PDE4D: variants seen among roughly 807,000 people sequenced by gnomAD.
PDE4D encodes 3',5'-cyclic-AMP phosphodiesterase 4D.
A neutral mutation model predicts 87.4 loss-of-function variants in PDE4D; 24 were observed. That is an observed-to-expected ratio of 0.27 (90% confidence interval 0.20 to 0.39). The LOEUF is 0.39. Among genes scored for constraint, PDE4D ranks in the 10% least tolerant of loss-of-function variants. PDE4D has a pLI of 1.00. For synonymous variants in PDE4D, 384 were observed against 383.2 expected, an observed-to-expected ratio of 1.00 and a Z score of -0.02; for missense variants, 714 against 1,041.0, an observed-to-expected ratio of 0.69 and a Z score of 4.32.
intron 1 of PDE4D, among the ~76,000 whole-genome samples, chr5:60,215,153 A>G (rs1196783322): frequency 1.3e-5 from 2 of 152,164 alleles, no homozygotes; most frequent in Non-Finnish European, 2.9e-5. Flanking sequence ...TTGGCGACCA[A>G]ATCTGGAACT....
intron 1 of PDE4D, among the ~76,000 whole-genome samples, chr5:59,241,997 C>T (rs1442876149): frequency 1.3e-5 from 2 of 152,038 alleles, no homozygotes; most frequent in African/African-American, 2.4e-5. Context: ...ATATTCATTT[C>T]TGTATTTCCA....
chr5:60,060,277 T>C (rs979810609), intron 2 of PDE4D, among the ~76,000 whole-genome samples: 1 of 152,104 alleles, frequency 6.6e-6, no homozygotes, highest in African/African-American at 2.4e-5. Flanking sequence ...AATTTTTAAG[T>C]TAATTCAGTT....
At chr5:59,626,119 C>A (rs571920127) in intron 1 of PDE4D, among the ~76,000 whole-genome samples, 12 of 152,196 alleles carry the variant, frequency 7.9e-5, no homozygotes, top group South Asian at 6.2e-4. Flanking sequence ...ATAAAAAAAA[C>A]CAATGCCTGG....
intron 1 of PDE4D, among the ~76,000 whole-genome samples, chr5:59,555,240 C>T (rs294477): frequency 0.81 from 123,035 of 152,102 alleles, 49,875 homozygotes; most frequent in South Asian, 0.9. Flanking sequence ...AGCAAACTAA[C>T]GCAGGAACAC....
intron 1 of PDE4D, among the ~76,000 whole-genome samples, chr5:59,230,891 T>G (rs978144885): frequency 6.6e-6 from 1 of 152,168 alleles, no homozygotes; most frequent in Non-Finnish European, 1.5e-5. Flanking sequence ...GACAATTTTT[T>G]CAATCTTACT....
At chr5:60,191,799 C>A (rs1466904879) in intron 1 of PDE4D, among the ~76,000 whole-genome samples, 2 of 151,952 alleles carry the variant, frequency 1.3e-5, no homozygotes, top group Non-Finnish European at 2.9e-5. Flanking sequence ...GAGTGTGAGA[C>A]CAGCCTGGCC....
intron 1 of PDE4D, among the ~76,000 whole-genome samples, chr5:60,260,751 G>C (rs1330375513): frequency 1.3e-5 from 2 of 152,200 alleles, no homozygotes; most frequent in African/African-American, 4.8e-5. Context: ...AAACAACAGA[G>C]TCCTTCTCTG....
chr5:59,510,555 G>A (rs74428650), intron 1 of PDE4D, among the ~76,000 whole-genome samples: 2,570 of 151,818 alleles, frequency 0.017, 78 homozygotes, highest in East Asian at 0.12. Flanking sequence ...AGATAGGTAG[G>A]TAGGTAGCTA....
intron 3 of PDE4D, among the ~76,000 whole-genome samples, chr5:59,955,843 G>GT (rs372001592): frequency 2.0e-5 from 3 of 152,034 alleles, no homozygotes; most frequent in African/African-American, 7.2e-5. Flanking sequence ...GTATCACCAA[G>GT]TAAGATCGAC....
At chr5:59,433,771 T>A (rs1056653934) in intron 1 of PDE4D, among the ~76,000 whole-genome samples, 1 of 152,000 alleles carries the variant, frequency 6.6e-6, no homozygotes, top group South Asian at 2.1e-4. Flanking sequence ...TTGAGAACAT[T>A]AAAAGAAAAG....
chr5:59,609,180 G>C (rs295962), intron 1 of PDE4D, among the ~76,000 whole-genome samples: 1 of 151,578 alleles, frequency 6.6e-6, no homozygotes, highest in Non-Finnish European at 1.5e-5. Flanking sequence ...GAAGTAGAAG[G>C]ATATAGATGC....
At chr5:59,316,676 C>T (rs1456903094) in intron 1 of PDE4D, among the ~76,000 whole-genome samples, 2 of 152,198 alleles carry the variant, frequency 1.3e-5, no homozygotes, top group African/African-American at 4.8e-5. Context: ...ACAGACACAG[C>T]TCTATGTAAT....
chr5:59,849,219 A>G (rs751579952), intron 1 of PDE4D, among the ~76,000 whole-genome samples: 2 of 151,878 alleles, frequency 1.3e-5, no homozygotes, highest in African/African-American at 2.4e-5. Context: ...CTGGAAAACT[A>G]AAAAAAATTA....
At chr5:59,104,851 T>C (rs1380683885) in intron 5 of PDE4D, among the ~76,000 whole-genome samples, 3 of 152,306 alleles carry the variant, frequency 2.0e-5, no homozygotes, top group African/African-American at 7.2e-5. Flanking sequence ...GCTTTCTTTC[T>C]AACTGCACCC....
intron 5 of PDE4D, chr5:59,157,421 G>A (rs1205985815): frequency 1.6e-5 from 11 of 700,358 alleles, no homozygotes; most frequent in Non-Finnish European, 2.3e-5. Flanking sequence ...AACAGGTGCT[G>A]TGGTTACTGG....
intron 1 of PDE4D, among the ~76,000 whole-genome samples, chr5:60,406,201 T>C (rs1215703762): frequency 6.6e-6 from 1 of 152,226 alleles, no homozygotes; most frequent in Non-Finnish European, 1.5e-5. Flanking sequence ...ACCCCATTCC[T>C]GATGCCTGTC....
intron 5 of PDE4D, among the ~76,000 whole-genome samples, chr5:59,064,095 A>G (rs1015604474): frequency 2.2e-4 from 33 of 151,944 alleles, no homozygotes; most frequent in Middle Eastern, 3.4e-3. Flanking sequence ...TTTTTCTAGT[A>G]TACTTACCAG....
chr5:60,309,545 G>A (rs1754816611), intron 1 of PDE4D, among the ~76,000 whole-genome samples: 1 of 152,118 alleles, frequency 6.6e-6, no homozygotes, highest in African/African-American at 2.4e-5. Context: ...TAGGAATTCA[G>A]AAACTAAATC....
At position 58,976,488 on chromosome 5, in the gene PDE4D, ATAT is replaced by A. The variant is rs1464459779; in HGVS notation, c.1708-19_1708-17del. ...TTGCAAGTACCTTAAAATATAGAGT[ATAT>A]TATTAAGTTCAGAGAAAACAGAATT... On this transcript the variant is annotated splice_polypyrimidine_tract_variant and intron_variant, in intron 12 of 14. Transcript: ENST00000340635. 6 of 1,523,480 alleles carry A rather than the reference ATAT, an allele frequency of 3.9e-6. No individual in the cohort carries two copies. Among genetic ancestry groups the A allele is most frequent in the Admixed American group, 2.0e-5 (1 of 50,364 alleles). The allele number at this position is 1,523,480 out of a possible 1,614,324, so 94.4% of individuals were successfully genotyped here.
Sources: gnomAD v4.1 joint callset for allele counts (sites outside exome capture counted in the v4.1 genomes callset) on GRCh38, gnomAD v4.1.1 for gene constraint, MANE v1.5 for transcripts, NCBI Gene and HGNC (gene_info 2026-07-23, HGNC 2026-07-21) for gene names.